Variants in ELAVL2 observed in about 807,000 individuals in gnomAD.
ELAVL2 encodes the protein ELAV like RNA binding protein 2.
A neutral mutation model predicts 34.6 loss-of-function variants in ELAVL2; 4 were observed. The ratio of observed to expected loss-of-function variants is 0.12; its 90% CI spans 0.06 to 0.26. ELAVL2 has a LOEUF of 0.26. Among genes scored for constraint, ELAVL2 ranks in the 10% least tolerant of loss-of-function variants. ELAVL2 has a pLI of 1.00. For synonymous variants in ELAVL2, 193 were observed against 154.8 expected (o/e 1.25, Z -1.83); for missense variants, 432 against 442.8 (o/e 0.98, Z 0.22).
chr9:23,694,966 G>A (rs1422424001), intron 5 of ELAVL2, among the ~76,000 whole-genome samples: 1 of 152,100 alleles, frequency 6.6e-6, no homozygotes, highest in Non-Finnish European at 1.5e-5. Context: ...AATATGTGAT[G>A]ACCAAATAAA....
chr9:23,811,215 C>T (rs1275744518), intron 1 of ELAVL2, among the ~76,000 whole-genome samples: 2 of 152,010 alleles, frequency 1.3e-5, no homozygotes, highest in African/African-American at 4.8e-5. Context: ...TTCAAAAAGT[C>T]CAAGAAACAA....
intron 1 of ELAVL2, among the ~76,000 whole-genome samples, chr9:23,801,176 T>C (rs996899881): frequency 6.6e-6 from 1 of 152,150 alleles, no homozygotes; most frequent in Non-Finnish European, 1.5e-5. Context: ...CACCCAGGAA[T>C]ACTGAAGTAT....
chr9:23,707,044 A>C (rs1373883832), intron 3 of ELAVL2, among the ~76,000 whole-genome samples: 3 of 152,248 alleles, frequency 2.0e-5, no homozygotes. Context: ...CCTGTTCTAC[A>C]GAAGAAACAA....
intron 2 of ELAVL2, among the ~76,000 whole-genome samples, chr9:23,731,422 A>G (rs1393994170): frequency 6.6e-6 from 1 of 152,114 alleles, no homozygotes; most frequent in South Asian, 2.1e-4. Context: ...AGACAAGGTC[A>G]GCTTCATAAA....
intron 2 of ELAVL2, among the ~76,000 whole-genome samples, chr9:23,756,585 C>A (rs2053610739): frequency 6.6e-6 from 1 of 152,128 alleles, no homozygotes; most frequent in Non-Finnish European, 1.5e-5. Flanking sequence ...CATGCTCGCA[C>A]ACGTGCTTTC....
chr9:23,804,967 T>A (rs1185209257), intron 1 of ELAVL2, among the ~76,000 whole-genome samples: 2 of 152,194 alleles, frequency 1.3e-5, no homozygotes, highest in African/African-American at 4.8e-5. Flanking sequence ...ATAAGAAATG[T>A]ACATTAAATA....
chr9:23,747,908 C>A (rs1489907372), intron 2 of ELAVL2, among the ~76,000 whole-genome samples: 2 of 151,952 alleles, frequency 1.3e-5, no homozygotes, highest in Non-Finnish European at 2.9e-5. Flanking sequence ...AGATATAAGA[C>A]CTAAATTTTT....
At chr9:23,770,157 T>C (rs1378781556) in intron 1 of ELAVL2, among the ~76,000 whole-genome samples, 2 of 152,164 alleles carry the variant, frequency 1.3e-5, no homozygotes, top group Admixed American at 6.5e-5. Flanking sequence ...GTGCAGAACA[T>C]ATACAAGTAT....
chr9:23,737,256 C>T (rs2048119643), intron 2 of ELAVL2, among the ~76,000 whole-genome samples: 1 of 152,162 alleles, frequency 6.6e-6, no homozygotes, highest in African/African-American at 2.4e-5. Flanking sequence ...TTCCAGGAGC[C>T]TGTGGTTTAG....
intron 3 of ELAVL2, among the ~76,000 whole-genome samples, chr9:23,706,391 A>G (rs914355610): frequency 2.6e-5 from 4 of 152,176 alleles, no homozygotes; most frequent in Admixed American, 2.0e-4. Flanking sequence ...AGCCCATCCA[A>G]TAATACCCCA....
At position 23,814,139 on chromosome 9, in the gene ELAVL2, C is replaced by T. The variant is rs189912412; in HGVS notation, c.-16+11667G>A. ...AACACAGTTCAGGGCAATCAAAACA[C>T]CTATAGGCCATATGAAGCTCACGGA... On this transcript the variant is annotated intron_variant, in intron 1 of 6. Coordinates refer to ENST00000397312, the MANE Select transcript of ELAVL2 (RefSeq NM_004432.5). Among the ~76,000 whole-genome samples, 157 of 152,248 alleles carry T rather than the reference C, an allele frequency of 1.0e-3. 1 individual carries two copies. Among genetic ancestry groups the T allele is most frequent in the South Asian group, 5.6e-3 (27 of 4,826 alleles).
intron 1 of ELAVL2, among the ~76,000 whole-genome samples, chr9:23,799,203 C>T (rs1350310512): frequency 1.3e-5 from 2 of 152,114 alleles, no homozygotes; most frequent in East Asian, 3.9e-4. Context: ...TACCAAAAAA[C>T]CCAAAATACA....
At chr9:23,765,551 A>G (rs950659485) in intron 1 of ELAVL2, among the ~76,000 whole-genome samples, 6 of 152,312 alleles carry the variant, frequency 3.9e-5, no homozygotes, top group African/African-American at 1.2e-4. Flanking sequence ...AAAATATCAG[A>G]AAGACATTAA....
chr9:23,744,074 A>G (rs2049927562), intron 2 of ELAVL2, among the ~76,000 whole-genome samples: 1 of 152,192 alleles, frequency 6.6e-6, no homozygotes, highest in South Asian at 2.1e-4. Flanking sequence ...CCTAAGGAAA[A>G]GGAGGTTAGG....
At chr9:23,783,413 C>G in intron 1 of ELAVL2, 3 of 982,794 alleles carry the variant, frequency 3.1e-6, no homozygotes, top group Non-Finnish European at 3.6e-6. Flanking sequence ...CATGTAACTT[C>G]AGAGAGCATG....
At chr9:23,757,658 C>A (rs2053894041) in intron 2 of ELAVL2, among the ~76,000 whole-genome samples, 1 of 151,920 alleles carries the variant, frequency 6.6e-6, no homozygotes, top group South Asian at 2.1e-4. Flanking sequence ...CTAAGCTGTA[C>A]AAGCAGCAGA....
intron 3 of ELAVL2, among the ~76,000 whole-genome samples, chr9:23,719,696 G>A (rs1186535491): frequency 6.6e-6 from 1 of 152,034 alleles, no homozygotes; most frequent in African/African-American, 2.4e-5. Flanking sequence ...TTATAATAGA[G>A]CAAATTCCCA....
chr9:23,813,708 G>A (rs184844838), intron 1 of ELAVL2, among the ~76,000 whole-genome samples: 1 of 152,272 alleles, frequency 6.6e-6, no homozygotes, highest in East Asian at 1.9e-4. Flanking sequence ...AGGAGAAACT[G>A]TTTTTCAACC....
At chr9:23,732,058 T>C (rs879545664) in intron 2 of ELAVL2, among the ~76,000 whole-genome samples, 1 of 152,186 alleles carries the variant, frequency 6.6e-6, no homozygotes, top group Non-Finnish European at 1.5e-5. Context: ...AGAAACATTA[T>C]ACAGGTGACA....
Sources: gnomAD v4.1 joint callset for allele counts (sites outside exome capture counted in the v4.1 genomes callset) on GRCh38, gnomAD v4.1.1 for gene constraint, MANE v1.5 for transcripts, NCBI Gene and HGNC (gene_info 2026-07-23, HGNC 2026-07-21) for gene names.